The following RGS7BP variants were observed in gnomAD, a reference collection of about 807,000 sequenced individuals.
RGS7BP encodes regulator of G protein signaling 7 binding protein, also known as regulator of G protein signaling 7-binding protein.
Under a neutral mutation model 31.3 loss-of-function variants are expected in RGS7BP, and 9 were observed. That is an observed-to-expected ratio of 0.29 (90% CI 0.17 to 0.50). The LOEUF (loss-of-function observed/expected upper bound fraction) is 0.50. Among genes scored for constraint, RGS7BP ranks in the 20% least tolerant of loss-of-function variants. RGS7BP has a pLI of 0.98. For synonymous variants in RGS7BP, 115 were observed against 120.1 expected (o/e 0.96, Z 0.28); for missense variants, 274 against 322.0 (o/e 0.85, Z 1.14).
rs766063219 is a variant in RGS7BP at position 64,506,805 on chromosome 5, G to C, written c.165+16G>C. The C allele has an allele frequency of 3.4e-6, 5 of 1,458,358 alleles. No individual in the cohort carries two copies. The South Asian group carries it at 4.0e-5, about 12-fold the overall frequency. The allele number at this position is 1,458,358 out of a possible 1,614,324, so 90.3% of individuals were successfully genotyped here. ...CTGCAAGATGGTGGGTGAAAACTGC[G>C]CCTCTTTTTTTTTTTTTTTAATTGA... On this transcript the variant is annotated intron_variant, in intron 1 of 5. Transcript: ENST00000334025. This position sits in a 1 kb window ranked among gnomAD's most constrained non-coding sequence, Gnocchi z 4.6.
At chr5:64,599,200 C>T (rs147918443) in intron 5 of RGS7BP, among the ~76,000 whole-genome samples, 5 of 152,178 alleles carry the variant, frequency 3.3e-5, no homozygotes, top group East Asian at 3.9e-4. Flanking sequence ...CAGAGACTGA[C>T]GACATGTACA....
intron 2 of RGS7BP, among the ~76,000 whole-genome samples, chr5:64,561,557 C>T (rs1374540208): frequency 2.0e-5 from 3 of 152,264 alleles, no homozygotes; most frequent in African/African-American, 7.2e-5. Flanking sequence ...GCAACTACCT[C>T]ATAGACTCAT....
intron 2 of RGS7BP, among the ~76,000 whole-genome samples, chr5:64,554,225 G>C (rs899965221): frequency 6.6e-6 from 1 of 152,084 alleles, no homozygotes; most frequent in African/African-American, 2.4e-5. Flanking sequence ...AGGTTATTTT[G>C]AACTGTCTCC....
chr5:64,612,042 C>T lies in RGS7BP; in HGVS notation c.*2790C>T, dbSNP rs957983555. The T allele has an allele frequency of 6.6e-6, 1 of 152,304 alleles. No homozygotes were observed. Among genetic ancestry groups the T allele is most frequent in the African/African-American group, 2.4e-5 (1 of 41,398 alleles). The allele number at this position is 152,304 out of a possible 1,614,324, so 9.4% of individuals were successfully genotyped here. On this transcript the variant is annotated 3_prime_UTR_variant, in exon 6 of 6. Transcript: ENST00000334025. ...AAATGATGTAAACTTTTGTGGCATA[C>T]ATTCACCCATTTTCCCACCATATCT...
chr5:64,597,628 A>G (rs1435720333), intron 4 of RGS7BP, among the ~76,000 whole-genome samples: 2 of 151,490 alleles, frequency 1.3e-5, no homozygotes, highest in African/African-American at 4.9e-5. Context: ...ATTGGAGGCC[A>G]TTGTCTTCAA....
At chr5:64,583,460 G>A (rs1024031802) in intron 3 of RGS7BP, among the ~76,000 whole-genome samples, 1 of 152,092 alleles carries the variant, frequency 6.6e-6, no homozygotes, top group African/African-American at 2.4e-5. Flanking sequence ...AGGGAGAGAG[G>A]AGAAAGAGAG....
At chr5:64,512,032 A>G (rs1177463731) in intron 2 of RGS7BP, among the ~76,000 whole-genome samples, 1 of 152,152 alleles carries the variant, frequency 6.6e-6, no homozygotes, top group Admixed American at 6.5e-5. Flanking sequence ...AGGAGAGATG[A>G]GCACAGCATA....
intron 2 of RGS7BP, among the ~76,000 whole-genome samples, chr5:64,548,660 C>A (rs1333236149): frequency 6.6e-6 from 1 of 152,028 alleles, no homozygotes; most frequent in African/African-American, 2.4e-5. Flanking sequence ...GCACCCACCA[C>A]TACATCTGGC....
chr5:64,512,283 G>A lies in RGS7BP; in HGVS notation c.332+4406G>A, dbSNP rs190035822. Among the ~76,000 whole-genome samples, 94 of 152,344 alleles carry A rather than the reference G, an allele frequency of 6.2e-4. 1 individual carries two copies. The highest frequency in any genetic ancestry group is 2.2e-3 in the African/African-American group (90 of 41,584). On this transcript the variant is annotated intron_variant, in intron 2 of 5. Coordinates refer to ENST00000334025, the MANE Select transcript of RGS7BP (RefSeq NM_001029875.3). The stretch of plus-strand genomic sequence containing the variant: ...GACAACATGAGAGACAGTAGAGTGT[G>A]ATGGGAAAGAGCACTGATTCTAAAT...
rs1161075568 is a variant in RGS7BP, at chr5:64,599,344, C to CGA, written c.682+909_682+910insGA. Among the ~76,000 whole-genome samples the CGA allele has an allele frequency of 3.9e-5, 6 of 152,282 alleles. No individual in the cohort carries two copies. In the East Asian group the frequency reaches 1.2e-3, roughly 29 times the overall value. ...GCAAGAAAGAAACTCTTCTTGTTTT[C>CGA]AGTGAGCAAAGCCTGATGGGAGGGA... On this transcript the variant is annotated intron_variant, in intron 5 of 5. Coordinates refer to ENST00000334025, the MANE Select transcript of RGS7BP (RefSeq NM_001029875.3).
At chr5:64,571,048 A>G (rs904070683) in intron 2 of RGS7BP, among the ~76,000 whole-genome samples, 1 of 152,066 alleles carries the variant, frequency 6.6e-6, no homozygotes, top group African/African-American at 2.4e-5. Context: ...CTCCATCTAG[A>G]TATAGAATAT....
At chr5:64,585,746 T>C (rs982025349) in intron 3 of RGS7BP, among the ~76,000 whole-genome samples, 2 of 152,194 alleles carry the variant, frequency 1.3e-5, no homozygotes, top group African/African-American at 4.8e-5. Context: ...TCCTCAAACA[T>C]GCCTATTACA....
At chr5:64,553,114 T>C (rs933127732) in intron 2 of RGS7BP, among the ~76,000 whole-genome samples, 3 of 152,036 alleles carry the variant, frequency 2.0e-5, no homozygotes, top group Non-Finnish European at 2.9e-5. Flanking sequence ...TTATAGTTAA[T>C]CTTTCAGATG....
chr5:64,512,890 A>C (rs953469440), intron 2 of RGS7BP, among the ~76,000 whole-genome samples: 15 of 152,176 alleles, frequency 9.9e-5, no homozygotes, highest in Admixed American at 7.2e-4. Flanking sequence ...AAATCAGCCT[A>C]GATTCTTCAT....
At chr5:64,575,684 T>C (rs1742400144) in intron 2 of RGS7BP, 90 bp from the exon 3 acceptor site, 2 of 1,489,948 alleles carry the variant, frequency 1.3e-6, no homozygotes, top group Non-Finnish European at 1.8e-6. Flanking sequence ...GAATCTTTAT[T>C]GAGCATTTTT....
chr5:64,590,237 A>G (rs1340520716), intron 3 of RGS7BP, among the ~76,000 whole-genome samples: 2 of 150,116 alleles, frequency 1.3e-5, no homozygotes, highest in African/African-American at 4.9e-5. Flanking sequence ...ACCAAGAGGG[A>G]GAGAGAGAGA....
chr5:64,532,298 C>T (rs1580403153), intron 2 of RGS7BP, among the ~76,000 whole-genome samples: 1 of 145,986 alleles, frequency 6.8e-6, no homozygotes, highest in Admixed American at 6.9e-5. Context: ...TTGTAATATC[C>T]TTTTTTTTTT....
intron 3 of RGS7BP, among the ~76,000 whole-genome samples, chr5:64,583,565 A>G (rs1427573735): frequency 2.0e-5 from 3 of 152,190 alleles, no homozygotes; most frequent in Non-Finnish European, 4.4e-5. Flanking sequence ...CCAAATACTA[A>G]TAAGTGCAAT....
intron 2 of RGS7BP, among the ~76,000 whole-genome samples, chr5:64,517,866 G>T (rs543124004): frequency 1.3e-5 from 2 of 152,234 alleles, no homozygotes; most frequent in East Asian, 3.9e-4. Flanking sequence ...TGGCACTCAA[G>T]AAATTAATGT....
Sources: allele counts gnomAD v4.1 joint callset (sites outside exome capture counted in the v4.1 genomes callset), GRCh38; gene constraint gnomAD v4.1.1; non-coding constraint Gnocchi (gnomAD v3.1); transcripts MANE v1.5; gene names NCBI Gene and HGNC (gene_info 2026-07-23, HGNC 2026-07-21).